Variants in CRCP observed in about 807,000 individuals in gnomAD.
CRCP encodes CGRP receptor component.
A neutral mutation model predicts 18.5 loss-of-function variants in CRCP; 18 were observed. The observed-to-expected ratio is 0.97, with a 90% CI of 0.67 to 1.44. The LOEUF (loss-of-function observed/expected upper bound fraction) is 1.44, where lower values mean the gene tolerates loss of function less well. CRCP is among the 40% of genes most tolerant of loss of function. The probability of loss-of-function intolerance (pLI) is 0.00; values close to 1 mark genes in which losing one functional copy is unlikely to be tolerated. For synonymous variants in CRCP, 53 were observed against 62.9 expected, an observed-to-expected ratio of 0.84 and a Z score of 0.75; for missense variants, 130 against 176.4, an observed-to-expected ratio of 0.74 and a Z score of 1.49.
chr7:66,146,455 A>G (rs1788302024), intron 5 of CRCP, among the ~76,000 whole-genome samples: 1 of 152,114 alleles, frequency 6.6e-6, no homozygotes, highest in African/African-American at 2.4e-5. Context: ...TTAAAAAAAA[A>G]AAAGAAGAAG....
At chr7:66,151,747 CTTTTCTTTT>C (rs1231464096) in intron 5 of CRCP, among the ~76,000 whole-genome samples, 1 of 55,424 alleles carries the variant, frequency 1.8e-5, no homozygotes, top group Non-Finnish European at 3.6e-5. Context: ...TCCTTTTTTT[CTTTTCTTTT>C]TTTTTTTTTT....
chr7:66,119,656 A>G (rs1314699680), intron 1 of CRCP: 2 of 152,198 alleles, frequency 1.3e-5, no homozygotes, highest in East Asian at 1.9e-4. Context: ...AAAACCCCAC[A>G]CATCTGGTCA....
At chr7:66,116,907 G>C (rs1202474311) in intron 1 of CRCP, among the ~76,000 whole-genome samples, 1 of 152,014 alleles carries the variant, frequency 6.6e-6, no homozygotes, top group East Asian at 1.9e-4. Context: ...AATCCCCTGA[G>C]GTCAGGAGTT....
upstream of CRCP, chr7:66,114,834 G>T (rs1473663170): frequency 6.3e-7 from 1 of 1,593,160 alleles, no homozygotes; most frequent in Non-Finnish European, 8.6e-7. Context: ...CCGGCATGCA[G>T]CGCGGCGATC....
chr7:66,145,420 A>T, intron 4 of CRCP, 23 bp from the exon 5 acceptor site: 1 of 1,613,172 alleles, frequency 6.2e-7, no homozygotes, highest in Non-Finnish European at 8.5e-7. Flanking sequence ...GCGAGTTGTC[A>T]ACGCTGTACT....
intron 3 of CRCP, among the ~76,000 whole-genome samples, chr7:66,132,528 T>C (rs568659566): frequency 6.6e-6 from 1 of 152,284 alleles, no homozygotes; most frequent in Admixed American, 6.5e-5. Flanking sequence ...ATGTTTCTTA[T>C]GGGTGATGTT....
chr7:66,139,701 A>G (rs1562769332), intron 4 of CRCP, among the ~76,000 whole-genome samples: 1 of 152,204 alleles, frequency 6.6e-6, no homozygotes, highest in Non-Finnish European at 1.5e-5. Context: ...GGGTCTTTGC[A>G]TATGGGACTG....
intron 1 of CRCP, among the ~76,000 whole-genome samples, chr7:66,127,271 C>T (rs1471598711): frequency 2.0e-5 from 3 of 152,226 alleles, no homozygotes; most frequent in Non-Finnish European, 4.4e-5. Flanking sequence ...TTGGCCACTG[C>T]TTGCCACCCT....
intron 5 of CRCP, among the ~76,000 whole-genome samples, chr7:66,148,700 C>T (rs7801282): frequency 0.59 from 90,106 of 152,020 alleles, 27,164 homozygotes; most frequent in African/African-American, 0.68. Flanking sequence ...GTGAGCCCTC[C>T]GGCCTGAGGT....
chr7:66,127,840 G>A, intron 2 of CRCP, 100 bp downstream of exon 2: 1 of 1,341,588 alleles, frequency 7.5e-7, no homozygotes, highest in Non-Finnish European at 1.1e-6. Flanking sequence ...CAGGCTGGGT[G>A]CAGTGGTTCA....
intron 1 of CRCP, among the ~76,000 whole-genome samples, chr7:66,116,149 G>A (rs1346609593): frequency 6.6e-6 from 1 of 152,042 alleles, no homozygotes; most frequent in Non-Finnish European, 1.5e-5. Flanking sequence ...GAAATGAAAG[G>A]CTCATGAAAC....
rs79282496 is a variant in CRCP, at chr7:66,153,069, G to C, written c.*712G>C. On this transcript the variant is annotated 3_prime_UTR_variant, in exon 6 of 6. Transcript: ENST00000395326. ...CCCACTTTCCTGCCCTGAGACAGCA[G>C]CCCAGGGCAGGTGCTTCATATTCAG... 1,409 of 153,038 alleles carry C rather than the reference G, an allele frequency of 9.2e-3. 64 individuals carry two copies. The highest frequency in any genetic ancestry group is 0.071 in the Admixed American group (1,091 of 15,270). 9.5% of individuals were successfully genotyped at this position (153,038 alleles called of 1,614,324 possible).
chr7:66,138,778 G>A (rs756743447), intron 4 of CRCP, among the ~76,000 whole-genome samples: 86 of 141,636 alleles, frequency 6.1e-4, no homozygotes, highest in Non-Finnish European at 1.2e-3. Context: ...GGGGGACAGA[G>A]CGAGACTCCG....
At chr7:66,115,698 ACTATCT>A (rs1787239315) in intron 1 of CRCP, among the ~76,000 whole-genome samples, 1 of 152,102 alleles carries the variant, frequency 6.6e-6, no homozygotes, top group South Asian at 2.1e-4. Context: ...TGTAGGTATT[ACTATCT>A]TGTGTTCTCT....
chr7:66,116,631 A>G (rs1199197679), intron 1 of CRCP, among the ~76,000 whole-genome samples: 9 of 152,054 alleles, frequency 5.9e-5, no homozygotes, highest in Admixed American at 5.9e-4. Context: ...TTACTAGAGC[A>G]TTTCCTGTGA....
intron 4 of CRCP, among the ~76,000 whole-genome samples, chr7:66,137,183 G>T (rs933206816): frequency 1.3e-5 from 2 of 152,034 alleles, no homozygotes; most frequent in Admixed American, 1.3e-4. Flanking sequence ...GTAGCATACA[G>T]GTTCTGCACA....
intron 3 of CRCP, among the ~76,000 whole-genome samples, chr7:66,132,691 G>A (rs576346144): frequency 7.9e-5 from 12 of 152,144 alleles, no homozygotes; most frequent in African/African-American, 2.4e-4. Flanking sequence ...CGAGGCAGGC[G>A]GATCACAAGG....
intron 2 of CRCP, chr7:66,130,004 G>A: frequency 4.1e-6 from 1 of 244,064 alleles, no homozygotes; most frequent in Non-Finnish European, 8.0e-6. Context: ...TTTCTTTTTT[G>A]GGGGGTAAAC....
intron 1 of CRCP, among the ~76,000 whole-genome samples, chr7:66,123,059 A>G (rs1439815507): frequency 6.7e-6 from 1 of 148,672 alleles, no homozygotes; most frequent in East Asian, 2.0e-4. Context: ...GGTTCACGCC[A>G]TTCTCCTGCC....
Sources: allele counts gnomAD v4.1 joint callset (sites outside exome capture counted in the v4.1 genomes callset), GRCh38; gene constraint gnomAD v4.1.1; transcripts MANE v1.5; gene names NCBI Gene and HGNC (gene_info 2026-07-23, HGNC 2026-07-21).